KCNN2: variants seen among roughly 807,000 people sequenced by gnomAD.
The protein encoded by KCNN2 is small conductance calcium-activated potassium channel protein 2.
Under a neutral mutation model 55.5 loss-of-function variants are expected in KCNN2, and 24 were observed. That is an observed-to-expected ratio of 0.43 (90% CI 0.31 to 0.61). KCNN2 has a LOEUF of 0.61. Among genes scored for constraint, KCNN2 ranks in the 20% least tolerant of loss-of-function variants. KCNN2 has a pLI of 0.08. For synonymous variants in KCNN2, 431 were observed against 336.1 expected, an observed-to-expected ratio of 1.28 and a Z score of -3.09; for missense variants, 754 against 853.6, an observed-to-expected ratio of 0.88 and a Z score of 1.45.
At chr5:114,159,939 C>A (rs532485892) in intron 1 of KCNN2, among the ~76,000 whole-genome samples, 7 of 152,002 alleles carry the variant, frequency 4.6e-5, no homozygotes, top group Admixed American at 4.6e-4. Flanking sequence ...TTTTGTTGAT[C>A]GTTTCAAAAA....
chr5:114,488,161 G>A (rs992370374), intron 6 of KCNN2, among the ~76,000 whole-genome samples: 2 of 152,148 alleles, frequency 1.3e-5, no homozygotes, highest in African/African-American at 4.8e-5. Flanking sequence ...CCATTGAACT[G>A]CCCTGCTTAA....
At chr5:114,242,943 A>G (rs563471975) in intron 2 of KCNN2, among the ~76,000 whole-genome samples, 1 of 152,334 alleles carries the variant, frequency 6.6e-6, no homozygotes, top group East Asian at 1.9e-4. Flanking sequence ...TATTTATTAA[A>G]CAAATATTAC....
At chr5:114,110,807 A>G (rs1751579999) in intron 1 of KCNN2, among the ~76,000 whole-genome samples, 1 of 152,084 alleles carries the variant, frequency 6.6e-6, no homozygotes, top group Non-Finnish European at 1.5e-5. Flanking sequence ...ACAGACAGCT[A>G]CTTATCTTTC....
intron 3 of KCNN2, among the ~76,000 whole-genome samples, chr5:114,426,952 CGGAAA>C (rs1759642601): frequency 6.6e-6 from 1 of 152,130 alleles, no homozygotes; most frequent in South Asian, 2.1e-4. Context: ...ACACTCACAG[CGGAAA>C]GGAAAGTTTC....
At chr5:114,437,488 A>G (rs545463874) in intron 3 of KCNN2, among the ~76,000 whole-genome samples, 25 of 152,324 alleles carry the variant, frequency 1.6e-4, no homozygotes, top group African/African-American at 5.3e-4. Context: ...TGAAGACTCA[A>G]TAGTTAAATA....
intron 1 of KCNN2, among the ~76,000 whole-genome samples, chr5:114,215,562 G>A (rs1037942697): frequency 6.6e-6 from 1 of 151,992 alleles, no homozygotes; most frequent in African/African-American, 2.4e-5. Flanking sequence ...ATAAATCAGG[G>A]TAGAACCCAA....
rs532721129 is a variant in KCNN2, at chr5:114,223,776, C to T, written c.-185+2211C>T. 6.0e-4 allele frequency among the ~76,000 whole-genome samples: 91 copies of T among 152,196 alleles called. 2 individuals are homozygous for T. The highest frequency in any genetic ancestry group is 6.8e-3 in the Middle Eastern group (2 of 294). ...GGATGAAGGACTCAATGAACTAAGACGAACTTCTGAGGAAGGGGTGTTGCT... is the reference window on the plus strand; with the variant it reads ...GGATGAAGGACTCAATGAACTAAGATGAACTTCTGAGGAAGGGGTGTTGCT... On this transcript the variant is annotated intron_variant, in intron 2 of 10. Transcript: ENST00000512097.
chr5:114,425,902 G>A (rs1363592476), intron 3 of KCNN2, among the ~76,000 whole-genome samples: 1 of 152,048 alleles, frequency 6.6e-6, no homozygotes, highest in African/African-American at 2.4e-5. Context: ...AAAAAAGGCT[G>A]GGTGCAGTGG....
chr5:114,084,960 G>A (rs1200671264), intron 1 of KCNN2, among the ~76,000 whole-genome samples: 3 of 151,648 alleles, frequency 2.0e-5, no homozygotes, highest in East Asian at 3.9e-4. Context: ...GCAATCAATT[G>A]ACTCTACTTG....
intron 2 of KCNN2, among the ~76,000 whole-genome samples, chr5:114,396,090 C>A (rs564940345): frequency 6.6e-6 from 1 of 152,196 alleles, no homozygotes; most frequent in South Asian, 2.1e-4. Context: ...CCCTTTGTAC[C>A]CAGGAAATGG....
chr5:114,206,588 C>G (rs906948144), intron 1 of KCNN2, among the ~76,000 whole-genome samples: 8 of 152,054 alleles, frequency 5.3e-5, no homozygotes, highest in African/African-American at 1.9e-4. Context: ...CCCATGATCA[C>G]TCTCGTTAGC....
intron 2 of KCNN2, among the ~76,000 whole-genome samples, chr5:114,238,168 G>GC (rs1450821250): frequency 6.6e-6 from 1 of 152,208 alleles, no homozygotes; most frequent in Non-Finnish European, 1.5e-5. Flanking sequence ...GTGAGATATA[G>GC]TTAAATACTA....
intron 3 of KCNN2, among the ~76,000 whole-genome samples, chr5:114,454,350 A>G (rs1308223178): frequency 6.6e-6 from 1 of 151,906 alleles, no homozygotes; most frequent in East Asian, 1.9e-4. Flanking sequence ...TGTGCTGATC[A>G]TTTGCCATTC....
rs139147909 is a variant in KCNN2, at chr5:114,223,695, TA to T, written c.-185+2132del. Among the ~76,000 whole-genome samples, 769 of 152,240 alleles carry T rather than the reference TA, an allele frequency of 5.1e-3. 9 individuals carry two copies. The highest frequency in any genetic ancestry group is 0.018 in the African/African-American group (747 of 41,528). On this transcript the variant is annotated intron_variant, in intron 2 of 10. Transcript: ENST00000512097. ...CACTACATTTTTCACAGAGCATCTATAAGGCTGGGGAATAAAAGGATGAGGC... is the reference window on the plus strand; with the variant it reads ...CACTACATTTTTCACAGAGCATCTATAGGCTGGGGAATAAAAGGATGAGGC...
intron 1 of KCNN2, among the ~76,000 whole-genome samples, chr5:114,082,594 G>A (rs1249558980): frequency 1.3e-5 from 2 of 152,056 alleles, no homozygotes; most frequent in Non-Finnish European, 2.9e-5. Flanking sequence ...CTGGATATAC[G>A]TCCAAAAGAA....
At chr5:114,193,950 A>G (rs1753499879) in intron 1 of KCNN2, among the ~76,000 whole-genome samples, 1 of 152,152 alleles carries the variant, frequency 6.6e-6, no homozygotes, top group Admixed American at 6.5e-5. Flanking sequence ...TATATCCATA[A>G]GATTGTGTAA....
chr5:114,237,920 A>G (rs1424394439), intron 2 of KCNN2, among the ~76,000 whole-genome samples: 3 of 152,184 alleles, frequency 2.0e-5, no homozygotes, highest in African/African-American at 4.8e-5. Context: ...TTGCAGCAGC[A>G]TAGGAAGAGA....
intron 3 of KCNN2, among the ~76,000 whole-genome samples, chr5:114,423,968 G>T (rs761316914): frequency 2.0e-5 from 3 of 152,186 alleles, no homozygotes; most frequent in Non-Finnish European, 4.4e-5. Context: ...GTGTCCAAGT[G>T]AAGAATTTAT....
chr5:114,437,972 A>G (rs1423844699), intron 3 of KCNN2, among the ~76,000 whole-genome samples: 1 of 152,210 alleles, frequency 6.6e-6, no homozygotes, highest in East Asian at 1.9e-4. Flanking sequence ...GGAGCATAAT[A>G]ACATGTTTAA....
Sources: gnomAD v4.1 joint callset for allele counts (sites outside exome capture counted in the v4.1 genomes callset) on GRCh38, gnomAD v4.1.1 for gene constraint, MANE v1.5 for transcripts, NCBI Gene and HGNC (gene_info 2026-07-23, HGNC 2026-07-21) for gene names.